Variants in SLC2A8 observed in about 807,000 individuals in gnomAD.
The protein encoded by SLC2A8 is solute carrier family 2, facilitated glucose transporter member 8.
A neutral mutation model predicts 49.2 loss-of-function variants in SLC2A8; 53 were observed. The observed-to-expected ratio is 1.08, with a 90% CI of 0.86 to 1.35. The LOEUF is 1.35. SLC2A8 is among the 40% of genes most tolerant of loss of function. The probability of loss-of-function intolerance (pLI) is 0.00; values close to 1 mark genes in which losing one functional copy is unlikely to be tolerated. For synonymous variants in SLC2A8, 299 were observed against 297.0 expected (o/e 1.01, Z -0.07); for missense variants, 688 against 671.7 (o/e 1.02, Z -0.27).
intron 5 of SLC2A8, 63 bp from the exon 6 acceptor site, chr9:127,403,597 C>CT: frequency 6.2e-7 from 1 of 1,603,934 alleles, no homozygotes; most frequent in Non-Finnish European, 8.5e-7. Context: ...AGTAGACCCC[C>CT]AGAGGGGGGC....
intron 9 of SLC2A8, 46 bp downstream of exon 9, chr9:127,405,611 A>G (rs761570898): frequency 3.7e-6 from 6 of 1,608,590 alleles, no homozygotes; most frequent in Non-Finnish European, 5.1e-6. Context: ...GTCAGCCGAG[A>G]AGCACTTTCT....
rs1045515156 is a variant in SLC2A8 at position 127,402,605 on chromosome 9, C to T, written c.575C>T (p.Pro192Leu). 5.0e-6 allele frequency: 8 copies of T among 1,595,178 alleles called. No homozygotes were observed. Among genetic ancestry groups the T allele is most frequent in the South Asian group, 1.1e-5 (1 of 88,246 alleles). ...RWLAVLGCVP[P>L]SLMLLLMCFM... The stretch of plus-strand genomic sequence containing the variant: ...CTGGCTGTGCTGGGCTGCGTGCCCC[C>T]CTCCCTCATGCTGCTTCTCATGTGC... The change falls in exon 5 of 10, where the codon CCC becomes CTC. Residue 192 changes from proline (P) to leucine (L), a missense_variant. Physicochemically the swap from Pro to Leu is moderately conservative, Grantham distance 98 (BLOSUM62 -3). Transcript: ENST00000373371.
rs753089764 is a variant in SLC2A8 at position 127,402,742 on chromosome 9, G to A, written c.712G>A (p.Gly238Arg). ...SEQGWEDPPI[G>R]AEQSFHLALL... ...GCAGGGCTGGGAAGACCCCCCCATCGGGGCTGAGCAGGTGAGAGGCTGGAA... is the reference window on the plus strand; with the variant it reads ...GCAGGGCTGGGAAGACCCCCCCATCAGGGCTGAGCAGGTGAGAGGCTGGAA... Residue 238 changes from glycine to arginine, a missense_variant, in exon 5 of 10, where the codon GGG (glycine) becomes AGG (arginine). Transcript: ENST00000373371. 10 of 1,545,266 alleles carry A rather than the reference G, an allele frequency of 6.5e-6. No homozygotes were observed. The East Asian group carries it at 7.2e-5, about 11-fold the overall frequency.
At chr9:127,400,167 T>C (rs1221392709) in intron 4 of SLC2A8, among the ~76,000 whole-genome samples, 161 bp downstream of exon 4, 1 of 112,186 alleles carries the variant, frequency 8.9e-6, no homozygotes, top group African/African-American at 4.3e-5. Flanking sequence ...TAGGTGAGTC[T>C]TTTTTTTTTT....
intron 4 of SLC2A8, among the ~76,000 whole-genome samples, chr9:127,401,715 G>C (rs372499407): frequency 6.6e-6 from 1 of 152,182 alleles, no homozygotes; most frequent in Non-Finnish European, 1.5e-5. Context: ...AAGTGACATG[G>C]TGGTGGCACG....
At chr9:127,405,714 C>T (rs896172159) in intron 9 of SLC2A8, 149 bp downstream of exon 9, 28 of 1,116,776 alleles carry the variant, frequency 2.5e-5, no homozygotes, top group Non-Finnish European at 3.3e-5. Flanking sequence ...TTGGGCAAGG[C>T]GACGTGGAGG....
chr9:127,402,855 G>T (rs1833345914), intron 5 of SLC2A8, 102 bp downstream of exon 5: 1 of 1,352,982 alleles, frequency 7.4e-7, no homozygotes, highest in Non-Finnish European at 9.7e-7. Context: ...GGGGGACAGG[G>T]AGGTGCCTAT....
At chr9:127,403,322 AG>A in intron 5 of SLC2A8, 1 of 355,780 alleles carries the variant, frequency 2.8e-6, no homozygotes, top group Non-Finnish European at 5.3e-6. Flanking sequence ...TCAGGGCTGT[AG>A]GAGGTGCTTA....
At position 127,404,950 on chromosome 9, in the gene SLC2A8, T is replaced by C. The variant is rs755609903; in HGVS notation, c.1109T>C (p.Leu370Pro). The C allele has an allele frequency of 2.5e-6, 4 of 1,610,400 alleles. No homozygotes were observed. Among genetic ancestry groups the C allele is most frequent in the East Asian group, 2.2e-5 (1 of 44,842 alleles). Reference sequence around the variant, plus strand: ...CAGCCTGTTGATGCCAGCGTGGGGCTGGCCTGGCTGGCCGTGGGCAGCATG... The same window carrying C: ...CAGCCTGTTGATGCCAGCGTGGGGCCGGCCTGGCTGGCCGTGGGCAGCATG... ...SAQPVDASVGLAWLAVGSMCL... is the reference protein window; with the variant it reads ...SAQPVDASVGPAWLAVGSMCL... Residue 370 changes from leucine (L) to proline (P), a missense_variant, in exon 8 of 10, where the codon CTG becomes CCG. Coordinates refer to ENST00000373371, the MANE Select transcript of SLC2A8 (RefSeq NM_014580.5).
chr9:127,406,843 C>T (rs1482548000), intron 9 of SLC2A8, among the ~76,000 whole-genome samples: 1 of 152,236 alleles, frequency 6.6e-6, no homozygotes, highest in Non-Finnish European at 1.5e-5. Flanking sequence ...GGTCTCTGGC[C>T]TTGAGGCAGT....
intron 3 of SLC2A8, among the ~76,000 whole-genome samples, chr9:127,398,692 C>T (rs1455087617): frequency 6.6e-6 from 1 of 152,212 alleles, no homozygotes; most frequent in Non-Finnish European, 1.5e-5. Context: ...CTGCCACTAA[C>T]CTGAGCAGAG....
Position 127,404,975 on chromosome 9 carries a change from G to C in SLC2A8, c.1134G>C (p.Met378Ile). 6.2e-7 allele frequency: 1 copy of C among 1,604,182 alleles called. No homozygotes were observed. The highest frequency in any genetic ancestry group is 8.5e-7 in the Non-Finnish European group (1 of 1,175,778). The change falls in exon 8 of 10, where the codon ATG (methionine) becomes ATC (isoleucine). Residue 378 changes from methionine (M) to isoleucine (I), a missense_variant. Transcript: ENST00000373371. ...TGGCCTGGCTGGCCGTGGGCAGCAT[G>C]TGCCTCTTCATCGCCGGTAAGGGGG... ...VGLAWLAVGS[M>I]CLFIAGFAVG...
intron 4 of SLC2A8, 102 bp downstream of exon 4, chr9:127,400,108 A>G: frequency 1.1e-6 from 1 of 939,906 alleles, no homozygotes; most frequent in Non-Finnish European, 1.6e-6. Context: ...GTCTGAGGTC[A>G]CATAGCCAGT....
chr9:127,398,290 T>TTC, intron 3 of SLC2A8, 179 bp downstream of exon 3: 1 of 793,808 alleles, frequency 1.3e-6, no homozygotes. Context: ...GATCCTACTG[T>TTC]TCTCTCCATT....
rs1272176745 is a variant in SLC2A8, at chr9:127,407,667, C to T, written c.*418C>T. 3 of 345,324 alleles carry T rather than the reference C, an allele frequency of 8.7e-6. No homozygotes were observed. The highest frequency in any genetic ancestry group is 7.7e-5 in the Admixed American group (2 of 26,004). The allele number at this position is 345,324 out of a possible 1,614,324, so 21.4% of individuals were successfully genotyped here. ...CCAAATAAAGACTGACACAGAAAAT[C>T]AGGTCAGTGTCTCTGGGCTTTGTGC... On this transcript the variant is annotated 3_prime_UTR_variant, in exon 10 of 10. Coordinates refer to ENST00000373371, the MANE Select transcript of SLC2A8 (RefSeq NM_014580.5).
chr9:127,397,395 G>C lies in SLC2A8; in HGVS notation c.76G>C (p.Val26Leu). ...CCCCAGCGCGCCCCGCGGCCGCCGCGTCTTCCTCGCCGCCTTCGCCGCTGC... is the reference window on the plus strand; with the variant it reads ...CCCCAGCGCGCCCCGCGGCCGCCGCCTCTTCCTCGCCGCCTTCGCCGCTGC... ...PGGSAPRGRRVFLAAFAAALG... is the reference protein window; with the variant it reads ...PGGSAPRGRRLFLAAFAAALG... Residue 26 changes from valine to leucine, a missense_variant, in exon 2 of 10, where the codon GTC becomes CTC. Transcript: ENST00000373371. 6 of 1,471,498 alleles carry C rather than the reference G, an allele frequency of 4.1e-6. No individual in the cohort carries two copies. The highest frequency in any genetic ancestry group is 4.5e-6 in the Non-Finnish European group (5 of 1,120,160). 91.2% of individuals were successfully genotyped at this position (1,471,498 alleles called of 1,614,324 possible).
intron 2 of SLC2A8, 36 bp from the exon 3 acceptor site, chr9:127,397,868 CT>C: frequency 1.3e-5 from 19 of 1,442,108 alleles, no homozygotes; most frequent in Non-Finnish European, 1.6e-5. Context: ...TGGGCTGCGG[CT>C]TCGGCGCCCC....
chr9:127,397,687 C>G, intron 2 of SLC2A8, 149 bp downstream of exon 2: 2 of 1,195,608 alleles, frequency 1.7e-6, no homozygotes, highest in Non-Finnish European at 2.2e-6. Context: ...GGCATTGGGC[C>G]TCTCTGCCCC....
rs760419913 is a variant in SLC2A8 at position 127,404,063 on chromosome 9, G to T, written c.972G>T (p.Leu324Phe). The T allele has an allele frequency of 6.3e-7, 1 of 1,593,708 alleles. No homozygotes were observed. The highest frequency in any genetic ancestry group is 1.1e-5 in the South Asian group (1 of 90,212). Residue 324 changes from leucine (L) to phenylalanine (F), a missense_variant, in exon 7 of 10, where the codon TTG (leucine) becomes TTT (phenylalanine). Leu to Phe is a conservative substitution (Grantham distance 22). Coordinates refer to ENST00000373371, the MANE Select transcript of SLC2A8 (RefSeq NM_014580.5). ...DRAGRRLLLV[L>F]SGVVMVFSTS... ...CAGGGCGGAGGCTGCTCCTGGTCTT[G>T]TCAGGTGAGGGTTCACCCCTGTGCA...
Sources: allele counts gnomAD v4.1 joint callset (sites outside exome capture counted in the v4.1 genomes callset), GRCh38; gene constraint gnomAD v4.1.1; transcripts MANE v1.5; gene names NCBI Gene and HGNC (gene_info 2026-07-23, HGNC 2026-07-21).